The following TTLL11 variants were observed in gnomAD, a reference collection of about 807,000 sequenced individuals.
TTLL11 encodes tubulin polyglutamylase TTLL11.
TTLL11 carries 42 observed loss-of-function variants against 51.7 expected under a neutral mutation model. The ratio of observed to expected loss-of-function variants is 0.81; its 90% confidence interval spans 0.64 to 1.05. The LOEUF is 1.05. Ranked by LOEUF, TTLL11 falls within the 50% of genes least tolerant of loss-of-function variation. TTLL11 has a pLI of 0.00. For synonymous variants in TTLL11, 381 were observed against 383.5 expected (o/e 0.99, Z 0.08); for missense variants, 799 against 940.4 (o/e 0.85, Z 1.97).
At chr9:121,983,312 G>A (rs1331706799) in intron 4 of TTLL11, among the ~76,000 whole-genome samples, 5 of 152,212 alleles carry the variant, frequency 3.3e-5, no homozygotes, top group African/African-American at 7.2e-5. Flanking sequence ...GACGTGTTCA[G>A]TGTTTGATGG....
chr9:122,025,102 G>A, intron 3 of TTLL11, among the ~76,000 whole-genome samples: 3 of 151,964 alleles, frequency 2.0e-5, no homozygotes, highest in Middle Eastern at 3.4e-3. Context: ...ATAAACACCT[G>A]TATTCAAAAT....
chr9:121,898,519 G>A (rs1376621057), intron 6 of TTLL11, among the ~76,000 whole-genome samples: 1 of 152,280 alleles, frequency 6.6e-6, no homozygotes, highest in East Asian at 1.9e-4. Flanking sequence ...GTGGGGCAGG[G>A]CCAGGCCTGG....
chr9:121,870,644 G>C lies in TTLL11; in HGVS notation c.1586C>G (p.Ser529Cys). 1 of 1,551,786 alleles carries C rather than the reference G, an allele frequency of 6.4e-7. No homozygotes were observed. The highest frequency in any genetic ancestry group is 2.4e-5 in the East Asian group (1 of 40,926). ...CNANPEAHLP[S>C]ICLKQVFPKY... ...GGGGAACACCTGCTTGAGGCAAATG[G>C]AAGGCAGGTGGGCTTCGGGGTTGGC... is the stretch of plus-strand genomic sequence containing the variant. Residue 529 changes from serine to cysteine, a missense_variant, in exon 7 of 9, where the codon TCC becomes TGC. Ser to Cys is a moderately radical substitution (Grantham distance 112). Around this residue, in one of 3 missense-constraint regions of TTLL11, gnomAD observed 468 missense variants for 612.8 expected, o/e 0.76. Coordinates refer to ENST00000321582, the MANE Select transcript of TTLL11 (RefSeq NM_001139442.2).
At chr9:121,880,305 T>A (rs1838738038) in intron 6 of TTLL11, among the ~76,000 whole-genome samples, 1 of 152,218 alleles carries the variant, frequency 6.6e-6, no homozygotes, top group Non-Finnish European at 1.5e-5. Context: ...ATTCCAGGTC[T>A]GCATGGCCTG....
At chr9:122,032,663 G>C (rs538944401) in intron 2 of TTLL11, among the ~76,000 whole-genome samples, 9 of 149,172 alleles carry the variant, frequency 6.0e-5, no homozygotes, top group African/African-American at 2.3e-4. Flanking sequence ...AAAAAAAAAG[G>C]TTGGTGGATT....
At chr9:121,913,476 A>C (rs1468413466) in intron 6 of TTLL11, among the ~76,000 whole-genome samples, 1 of 152,234 alleles carries the variant, frequency 6.6e-6, no homozygotes, top group Non-Finnish European at 1.5e-5. Flanking sequence ...AAGTCTTAGA[A>C]AATACAAGCA....
chr9:121,973,463 AG>A (rs1490078871), intron 6 of TTLL11, among the ~76,000 whole-genome samples: 1 of 152,178 alleles, frequency 6.6e-6, no homozygotes, highest in Non-Finnish European at 1.5e-5. Context: ...GGCAAGTGGG[AG>A]GCCTGGCCTT....
chr9:121,990,530 G>A (rs1843083036), intron 3 of TTLL11, among the ~76,000 whole-genome samples: 1 of 152,130 alleles, frequency 6.6e-6, no homozygotes, highest in African/African-American at 2.4e-5. Context: ...GATGACTGAA[G>A]CCCTTGGACC....
chr9:121,901,135 G>T (rs1480458401), intron 6 of TTLL11, among the ~76,000 whole-genome samples: 3 of 152,188 alleles, frequency 2.0e-5, no homozygotes, highest in African/African-American at 7.2e-5. Context: ...TTGACTCTCA[G>T]CCAGGATATT....
At chr9:122,025,756 A>G (rs1844313051) in intron 3 of TTLL11, among the ~76,000 whole-genome samples, 1 of 152,220 alleles carries the variant, frequency 6.6e-6, no homozygotes, top group East Asian at 1.9e-4. Context: ...AAAATTAAAT[A>G]TGCACCTACT....
intron 6 of TTLL11, among the ~76,000 whole-genome samples, chr9:121,876,138 A>G (rs1294977967): frequency 6.6e-6 from 1 of 152,252 alleles, no homozygotes; most frequent in Non-Finnish European, 1.5e-5. Context: ...CAGTAGTGAA[A>G]TCAGGATTTA....
At chr9:121,960,737 G>A (rs1055154340) in intron 6 of TTLL11, among the ~76,000 whole-genome samples, 4 of 152,156 alleles carry the variant, frequency 2.6e-5, no homozygotes, top group African/African-American at 9.7e-5. Flanking sequence ...GGCGCAGTCC[G>A]GGGGAAGAAA....
chr9:121,840,388 T>C (rs936450717), intron 8 of TTLL11, among the ~76,000 whole-genome samples: 8 of 152,088 alleles, frequency 5.3e-5, no homozygotes, highest in Non-Finnish European at 1.2e-4. Flanking sequence ...TTCAAGATCA[T>C]ACAGCTTCTT....
At chr9:121,986,602 T>C (rs1007646537) in intron 4 of TTLL11, among the ~76,000 whole-genome samples, 13 of 152,128 alleles carry the variant, frequency 8.5e-5, no homozygotes, top group Non-Finnish European at 1.9e-4. Context: ...GTCCAGTTTC[T>C]CAGGACAGAT....
intron 8 of TTLL11, among the ~76,000 whole-genome samples, chr9:121,837,141 T>G (rs571828503): frequency 6.6e-6 from 1 of 152,206 alleles, no homozygotes; most frequent in South Asian, 2.1e-4. Flanking sequence ...ATAGTATAGA[T>G]GTACCATGAG....
intron 1 of TTLL11, among the ~76,000 whole-genome samples, chr9:122,052,126 A>G (rs748396217): frequency 1.3e-5 from 2 of 152,196 alleles, no homozygotes; most frequent in Non-Finnish European, 2.9e-5. Flanking sequence ...ACACAGTTCT[A>G]TCTGCCAAAT....
rs985466974 is a variant in TTLL11, at chr9:121,819,780, T to A, written c.*2807A>T. On this transcript the variant is annotated 3_prime_UTR_variant, in exon 9 of 9. Coordinates refer to ENST00000321582, the MANE Select transcript of TTLL11 (RefSeq NM_001139442.2). Reference sequence around the variant, plus strand: ...CCTATCTTCTCGGAGGAAGGAACCATCTGCTTTTGCTATCGTTTCAATTAC... The same window carrying A: ...CCTATCTTCTCGGAGGAAGGAACCAACTGCTTTTGCTATCGTTTCAATTAC... 6.6e-6 allele frequency among the ~76,000 whole-genome samples: 1 copy of A among 152,136 alleles called. No homozygotes were observed. The highest frequency in any genetic ancestry group is 2.4e-5 in the African/African-American group (1 of 41,416).
At chr9:122,082,044 A>C (rs1399346647) in intron 1 of TTLL11, among the ~76,000 whole-genome samples, 2 of 152,256 alleles carry the variant, frequency 1.3e-5, no homozygotes, top group Non-Finnish European at 2.9e-5. Context: ...AAGATACACA[A>C]GATGAATAGT....
At chr9:121,892,735 T>C (rs1839297514) in intron 6 of TTLL11, among the ~76,000 whole-genome samples, 1 of 152,220 alleles carries the variant, frequency 6.6e-6, no homozygotes, top group South Asian at 2.1e-4. Flanking sequence ...CGCCACATTC[T>C]CCATGGAAGA....
Sources: allele counts gnomAD v4.1 joint callset (sites outside exome capture counted in the v4.1 genomes callset), GRCh38; gene constraint gnomAD v4.1.1; regional missense constraint gnomAD v4.1.1; transcripts MANE v1.5; gene names NCBI Gene and HGNC (gene_info 2026-07-23, HGNC 2026-07-21).